The following RASGEF1A variants were observed in gnomAD, a reference collection of about 807,000 sequenced individuals.
The protein encoded by RASGEF1A is ras-GEF domain-containing family member 1A.
A neutral mutation model predicts 56.4 loss-of-function variants in RASGEF1A; 18 were observed. That is an observed-to-expected ratio of 0.32 (90% CI 0.22 to 0.47). RASGEF1A has a LOEUF of 0.47. RASGEF1A is among the 20% of genes least tolerant of loss of function. The pLI is 1.00. For synonymous variants in RASGEF1A, 245 were observed against 242.6 expected, an observed-to-expected ratio of 1.01 and a Z score of -0.09; for missense variants, 422 against 627.1, an observed-to-expected ratio of 0.67 and a Z score of 3.49.
chr10:43,196,083 G>A lies in RASGEF1A; in HGVS notation c.*161C>T. 1 of 654,758 alleles carries A rather than the reference G, an allele frequency of 1.5e-6. No individual in the cohort carries two copies. The allele number at this position is 654,758 out of a possible 1,614,324, so 40.6% of individuals were successfully genotyped here. ...AATAAACAAAAAAAACTTTGTAAGT[G>A]CCAAAGGTTGATGCGTGAAATAATT... On this transcript the variant is annotated 3_prime_UTR_variant, in exon 13 of 13. Transcript: ENST00000395810. The surrounding 1 kb of genome is among the most constrained non-coding windows in gnomAD (Gnocchi z 4.6).
At position 43,229,789 on chromosome 10, in the gene RASGEF1A, A is replaced by G; in HGVS notation, c.-6-23667T>C. ...TGGACGCCTCCGCTGGAGGGGTGGG[A>G]CCCCGGAAGCAGGGAACCGAGGGGC... is the stretch of plus-strand genomic sequence containing the variant. On this transcript the variant is annotated intron_variant, in intron 1 of 12. Coordinates refer to ENST00000395810, the MANE Select transcript of RASGEF1A (RefSeq NM_145313.4). The G allele has an allele frequency of 2.4e-6, 3 of 1,256,526 alleles. 1 individual carries two copies. In the South Asian group the frequency reaches 6.7e-5, roughly 28 times the overall value. 77.8% of individuals were successfully genotyped at this position (1,256,526 alleles called of 1,614,324 possible).
chr10:43,218,691 G>A (rs963830233), intron 1 of RASGEF1A, among the ~76,000 whole-genome samples: 5 of 152,240 alleles, frequency 3.3e-5, no homozygotes, highest in African/African-American at 4.8e-5. Flanking sequence ...TGAACCTTCC[G>A]GGCTGGCCAG....
At chr10:43,238,172 A>AGGAG (rs569880839) in intron 1 of RASGEF1A, among the ~76,000 whole-genome samples, 399 of 35,898 alleles carry the variant, frequency 0.011, 5 homozygotes, top group African/African-American at 0.044. Context: ...CCTGCCCCTC[A>AGGAG]GGAGGGTTAG....
chr10:43,258,527 G>GA lies in RASGEF1A; in HGVS notation c.-7+8317_-7+8318insT, dbSNP rs760825687. 9.8e-5 allele frequency among the ~76,000 whole-genome samples: 15 copies of GA among 152,346 alleles called. 1 individual carries two copies. The East Asian group carries it at 2.5e-3, about 25-fold the overall frequency. ...CAGAGGACAAGTGCATTTCCTTGGGGCAAAGCTGCAGGCCACAGCAGGCGG... is the reference window on the plus strand; with the variant it reads ...CAGAGGACAAGTGCATTTCCTTGGGGACAAAGCTGCAGGCCACAGCAGGCGG... On this transcript the variant is annotated intron_variant, in intron 1 of 12. Transcript: ENST00000395810.
intron 1 of RASGEF1A, chr10:43,207,115 A>G: frequency 1.0e-6 from 1 of 985,504 alleles, no homozygotes; most frequent in Non-Finnish European, 1.2e-6. Context: ...CGATGCAGCA[A>G]CTGCCAGCCT....
At chr10:43,241,681 A>G (rs1445570530) in intron 1 of RASGEF1A, among the ~76,000 whole-genome samples, 7 of 151,944 alleles carry the variant, frequency 4.6e-5, no homozygotes, top group Non-Finnish European at 8.8e-5. Context: ...GACATAAAAA[A>G]CAAATAGCAA....
At chr10:43,254,503 C>CCT (rs1336939370) in intron 1 of RASGEF1A, among the ~76,000 whole-genome samples, 2 of 152,238 alleles carry the variant, frequency 1.3e-5, no homozygotes, top group East Asian at 3.9e-4. Flanking sequence ...CCACCTCGGG[C>CCT]CTCACGGCTG....
chr10:43,227,752 G>A (rs1266639842), intron 1 of RASGEF1A, among the ~76,000 whole-genome samples: 2 of 152,092 alleles, frequency 1.3e-5, no homozygotes, highest in African/African-American at 4.8e-5. Context: ...GGGGTGGGAA[G>A]TGTTGAACTG....
chr10:43,229,489 G>A (rs1415528824), intron 1 of RASGEF1A: 3 of 569,172 alleles, frequency 5.3e-6, no homozygotes, highest in Non-Finnish European at 5.8e-6. Context: ...GTGCTCCAGC[G>A]GGGACGCACA....
chr10:43,216,287 GC>G, intron 1 of RASGEF1A, among the ~76,000 whole-genome samples: 1 of 152,288 alleles, frequency 6.6e-6, no homozygotes, highest in East Asian at 1.9e-4. Flanking sequence ...TGGGCCGCCT[GC>G]CCCACTCTGT....
chr10:43,266,372 C>A (rs1836623837), intron 1 of RASGEF1A, among the ~76,000 whole-genome samples: 2 of 152,216 alleles, frequency 1.3e-5, no homozygotes, highest in Admixed American at 6.5e-5. Flanking sequence ...CGCCAAACAG[C>A]AAGGGCGTGA....
chr10:43,210,431 A>C (rs1261231720), intron 1 of RASGEF1A, among the ~76,000 whole-genome samples: 1 of 152,196 alleles, frequency 6.6e-6, no homozygotes, highest in Non-Finnish European at 1.5e-5. Flanking sequence ...CCCTGATCAC[A>C]CCACTGCACT....
At chr10:43,236,530 T>C (rs372634963) in intron 1 of RASGEF1A, among the ~76,000 whole-genome samples, 2 of 152,240 alleles carry the variant, frequency 1.3e-5, no homozygotes, top group Admixed American at 6.5e-5. Context: ...ACCAAAAGTC[T>C]AATCAGGGTG....
chr10:43,212,561 T>G (rs1840082682), intron 1 of RASGEF1A, among the ~76,000 whole-genome samples: 1 of 152,206 alleles, frequency 6.6e-6, no homozygotes, highest in Admixed American at 6.5e-5. Context: ...TTAGTGGCAC[T>G]GGCACCTGAA....
At chr10:43,210,216 A>G (rs1416713560) in intron 1 of RASGEF1A, among the ~76,000 whole-genome samples, 1 of 152,202 alleles carries the variant, frequency 6.6e-6, no homozygotes, top group Non-Finnish European at 1.5e-5. Context: ...TCATGCCTGT[A>G]ATCCCAGCAC....
At chr10:43,262,769 C>T (rs1347555445) in intron 1 of RASGEF1A, among the ~76,000 whole-genome samples, 2 of 152,200 alleles carry the variant, frequency 1.3e-5, no homozygotes, top group Non-Finnish European at 2.9e-5. Context: ...GAGGGAGACC[C>T]AGCAGAAGCC....
intron 1 of RASGEF1A, among the ~76,000 whole-genome samples, chr10:43,213,697 G>A (rs958189417): frequency 6.6e-6 from 1 of 152,194 alleles, no homozygotes; most frequent in Non-Finnish European, 1.5e-5. Context: ...CACGATCTTG[G>A]CTCACTGCAA....
intron 1 of RASGEF1A, among the ~76,000 whole-genome samples, chr10:43,264,331 C>T (rs1005651416): frequency 2.6e-5 from 4 of 151,578 alleles, no homozygotes; most frequent in African/African-American, 9.7e-5. Context: ...GGGCAGTGAG[C>T]CCTCTCTGGA....
chr10:43,257,250 A>G (rs1659928194), intron 1 of RASGEF1A, among the ~76,000 whole-genome samples: 1 of 152,174 alleles, frequency 6.6e-6, no homozygotes, highest in Admixed American at 6.5e-5. Flanking sequence ...ACTTCTCGTT[A>G]TCAGCACCAG....
Sources: allele counts gnomAD v4.1 joint callset (sites outside exome capture counted in the v4.1 genomes callset), GRCh38; gene constraint gnomAD v4.1.1; non-coding constraint Gnocchi (gnomAD v3.1); transcripts MANE v1.5; gene names NCBI Gene and HGNC (gene_info 2026-07-23, HGNC 2026-07-21).